The following TASP1 variants were observed in gnomAD, a reference collection of about 807,000 sequenced individuals.
TASP1 encodes the protein threonine aspartase 1.
TASP1 carries 16 observed loss-of-function variants against 56.6 expected under a neutral mutation model. The observed-to-expected ratio is 0.28, with a 90% CI of 0.19 to 0.43. TASP1 has a LOEUF of 0.43. Among genes scored for constraint, TASP1 ranks in the 20% least tolerant of loss-of-function variants. The probability of loss-of-function intolerance (pLI) is 1.00; values close to 1 mark genes in which losing one functional copy is unlikely to be tolerated. For synonymous variants in TASP1, 179 were observed against 184.2 expected (o/e 0.97, Z 0.23); for missense variants, 393 against 511.6 (o/e 0.77, Z 2.24).
chr20:13,373,301 G>A, the TASP1 span, among the ~76,000 whole-genome samples: 47 of 151,908 alleles, frequency 3.1e-4, no homozygotes, highest in Non-Finnish European at 5.3e-4. Context: ...AGACAAGAAA[G>A]AAAAATATAT....
At chr20:13,264,178 T>A in the TASP1 span, among the ~76,000 whole-genome samples, 1 of 152,194 alleles carries the variant, frequency 6.6e-6, no homozygotes. Context: ...CAGGGCCTGT[T>A]CTTTGCCTTT....
intron 5 of TASP1, among the ~76,000 whole-genome samples, chr20:13,583,667 T>C (rs904844204): frequency 6.6e-6 from 1 of 152,198 alleles, no homozygotes; most frequent in Admixed American, 6.5e-5. Context: ...TTAAATGATT[T>C]AAAAGCATAG....
the TASP1 span, among the ~76,000 whole-genome samples, chr20:13,163,228 C>T: frequency 1.1e-4 from 16 of 151,906 alleles, no homozygotes; most frequent in Admixed American, 9.2e-4. Flanking sequence ...ATTAGCCAGG[C>T]GTAGTAGCAT....
the TASP1 span, among the ~76,000 whole-genome samples, chr20:13,225,004 C>G: frequency 1.4e-5 from 2 of 145,764 alleles, no homozygotes. Flanking sequence ...TGCCACCACG[C>G]CCGGCTAATT....
At chr20:13,213,946 C>T in the TASP1 span, among the ~76,000 whole-genome samples, 1 of 152,052 alleles carries the variant, frequency 6.6e-6, no homozygotes, top group African/African-American at 2.4e-5. Context: ...GCACAAAAGA[C>T]CAAAAGAAAA....
At chr20:13,471,881 A>G (rs1030094061) in intron 11 of TASP1, among the ~76,000 whole-genome samples, 1 of 152,192 alleles carries the variant, frequency 6.6e-6, no homozygotes, top group African/African-American at 2.4e-5. Context: ...CGCCTCATCC[A>G]GGAAGCGCAA....
the TASP1 span, among the ~76,000 whole-genome samples, chr20:13,191,661 C>A: frequency 6.6e-6 from 1 of 152,092 alleles, no homozygotes; most frequent in African/African-American, 2.4e-5. Context: ...GGAATAAGTT[C>A]TGGGGTTCTA....
At chr20:13,183,159 A>C in the TASP1 span, among the ~76,000 whole-genome samples, 2 of 152,178 alleles carry the variant, frequency 1.3e-5, no homozygotes, top group Admixed American at 6.5e-5. Context: ...CAACCCTGAG[A>C]CCACCATGTG....
At chr20:13,302,763 G>T in the TASP1 span, among the ~76,000 whole-genome samples, 7 of 152,168 alleles carry the variant, frequency 4.6e-5, no homozygotes, top group Non-Finnish European at 8.8e-5. Context: ...GTAATTCAGT[G>T]GGCATCCTGG....
At chr20:13,158,024 C>T in the TASP1 span, among the ~76,000 whole-genome samples, 1 of 152,300 alleles carries the variant, frequency 6.6e-6, no homozygotes, top group East Asian at 1.9e-4. Flanking sequence ...TTCTATAGAG[C>T]TGTGCAATGT....
intron 12 of TASP1, among the ~76,000 whole-genome samples, chr20:13,430,742 A>G (rs1490284854): frequency 6.6e-6 from 1 of 152,218 alleles, no homozygotes; most frequent in Non-Finnish European, 1.5e-5. Context: ...TCAACAAACT[A>G]TGGACAAAGC....
the TASP1 span, among the ~76,000 whole-genome samples, chr20:13,254,234 A>AAAATAAATAAAT: frequency 1.3e-5 from 2 of 150,728 alleles, no homozygotes; most frequent in Non-Finnish European, 2.9e-5. Flanking sequence ...CTCCATCTCA[A>AAAATAAATAAAT]AAATAAATAA....
chr20:13,112,535 T>C, the TASP1 span, among the ~76,000 whole-genome samples: 1 of 152,192 alleles, frequency 6.6e-6, no homozygotes, highest in South Asian at 2.1e-4. Flanking sequence ...TCCACTTGTA[T>C]GTATAAGGAT....
chr20:13,430,810 CGATTCTATTCATGAATCAGTAGACAAA>C (rs2042779786), intron 12 of TASP1, among the ~76,000 whole-genome samples: 1 of 152,156 alleles, frequency 6.6e-6, no homozygotes, highest in African/African-American at 2.4e-5. Flanking sequence ...TGAGATTCTC[CGATTCTATTCATGAATCAGTAGACAAA>C]GGGCAAACCT....
At chr20:13,572,877 C>A (rs1298012910) in intron 6 of TASP1, among the ~76,000 whole-genome samples, 1 of 152,054 alleles carries the variant, frequency 6.6e-6, no homozygotes, top group Non-Finnish European at 1.5e-5. Context: ...TGACTATAAT[C>A]AGTCTAAAAT....
chr20:13,342,940 G>C, the TASP1 span, among the ~76,000 whole-genome samples: 2 of 152,158 alleles, frequency 1.3e-5, no homozygotes, highest in Admixed American at 1.3e-4. Context: ...GTGACTGGCA[G>C]AGATATAGGA....
chr20:13,500,238 T>C (rs1016848925), intron 10 of TASP1, among the ~76,000 whole-genome samples: 3 of 141,094 alleles, frequency 2.1e-5, no homozygotes, highest in Non-Finnish European at 4.7e-5. Flanking sequence ...TATATAAAAA[T>C]GTGTGTGTGT....
the TASP1 span, among the ~76,000 whole-genome samples, chr20:13,234,798 G>A: frequency 2.0e-5 from 3 of 152,034 alleles, no homozygotes; most frequent in African/African-American, 7.2e-5. Flanking sequence ...TTTTTAACGA[G>A]GTCATTTGGT....
the TASP1 span, among the ~76,000 whole-genome samples, chr20:13,136,916 C>T: frequency 1.2e-4 from 18 of 152,022 alleles, no homozygotes; most frequent in East Asian, 3.1e-3. Flanking sequence ...ATCAATTAAA[C>T]AGATACTATC....
Sources: allele counts gnomAD v4.1 joint callset (sites outside exome capture counted in the v4.1 genomes callset), GRCh38; gene constraint gnomAD v4.1.1; transcripts MANE v1.5; gene names NCBI Gene and HGNC (gene_info 2026-07-23, HGNC 2026-07-21).